The following ST6GALNAC3 variants were observed in gnomAD, a reference collection of about 807,000 sequenced individuals.
ST6GALNAC3 encodes the protein alpha-N-acetylgalactosaminide alpha-2,6-sialyltransferase 3.
Under a neutral mutation model 32.7 loss-of-function variants are expected in ST6GALNAC3, and 25 were observed. That is an observed-to-expected ratio of 0.76 (90% CI 0.56 to 1.07). The LOEUF (loss-of-function observed/expected upper bound fraction) is 1.07, where lower values mean the gene tolerates loss of function less well. Ranked by LOEUF, ST6GALNAC3 falls within the 50% of genes least tolerant of loss-of-function variation. The pLI, the probability that ST6GALNAC3 is intolerant of heterozygous loss-of-function variation, is 0.00. For missense variants in ST6GALNAC3, 355 were observed against 382.4 expected (o/e 0.93, Z 0.60); for synonymous variants, 129 against 133.1 (o/e 0.97, Z 0.21).
At chr1:76,584,128 TTGCATGGGGAG>T (rs1459067366) in intron 3 of ST6GALNAC3, among the ~76,000 whole-genome samples, 1 of 152,202 alleles carries the variant, frequency 6.6e-6, no homozygotes, top group Non-Finnish European at 1.5e-5. Flanking sequence ...TCCCTATCTT[TTGCATGGGGAG>T]TATTATAGAA....
chr1:76,233,901 A>G (rs1216257088), intron 1 of ST6GALNAC3, among the ~76,000 whole-genome samples: 1 of 152,130 alleles, frequency 6.6e-6, no homozygotes, highest in Non-Finnish European at 1.5e-5. Context: ...GATACACAGT[A>G]TATCTGTGAT....
At chr1:76,427,485 T>G (rs981744178) in intron 3 of ST6GALNAC3, among the ~76,000 whole-genome samples, 1 of 152,046 alleles carries the variant, frequency 6.6e-6, no homozygotes, top group Non-Finnish European at 1.5e-5. Context: ...TGACCCAATA[T>G]GTGCAAGGAT....
At chr1:76,588,251 C>T (rs914499302) in intron 3 of ST6GALNAC3, among the ~76,000 whole-genome samples, 13 of 151,862 alleles carry the variant, frequency 8.6e-5, no homozygotes, top group South Asian at 4.2e-4. Context: ...AAAAATAAAG[C>T]ATTCTACCTA....
intron 1 of ST6GALNAC3, among the ~76,000 whole-genome samples, chr1:76,231,310 A>T (rs72675934): frequency 0.044 from 6,731 of 152,062 alleles, 283 homozygotes; most frequent in African/African-American, 0.11. Context: ...GTTTTTTAAA[A>T]TTTTTTTTTA....
chr1:76,430,413 T>A (rs1445729977), intron 3 of ST6GALNAC3, among the ~76,000 whole-genome samples: 1 of 152,180 alleles, frequency 6.6e-6, no homozygotes, highest in Non-Finnish European at 1.5e-5. Context: ...TGCCAACTAG[T>A]CCCTACAGTT....
At chr1:76,624,958 A>G (rs1237114518) in intron 3 of ST6GALNAC3, among the ~76,000 whole-genome samples, 3 of 152,002 alleles carry the variant, frequency 2.0e-5, no homozygotes, top group Non-Finnish European at 2.9e-5. Flanking sequence ...GGTACCGCAC[A>G]GTGGTTAAAA....
chr1:76,631,513 G>C lies in ST6GALNAC3; in HGVS notation c.*2707G>C, dbSNP rs1255480979. The stretch of plus-strand genomic sequence containing the variant: ...TTTTCATCTATGATTTGCTGATAGA[G>C]AAGAGCTTGGTAAGGGAGCAATTCA... On this transcript the variant is annotated 3_prime_UTR_variant, in exon 5 of 5. Coordinates refer to ENST00000328299, the MANE Select transcript of ST6GALNAC3 (RefSeq NM_152996.4). The C allele has an allele frequency of 7.2e-5, 11 of 152,060 alleles. No individual in the cohort carries two copies. The highest frequency in any genetic ancestry group is 1.5e-5 in the Non-Finnish European group (1 of 67,950). The allele number at this position is 152,060 out of a possible 1,614,324, so 9.4% of individuals were successfully genotyped here. A position where few individuals can be genotyped will look rare whatever the true frequency, so the allele number is the denominator to read the frequency against.
chr1:76,116,687 T>C (rs1648503775), intron 1 of ST6GALNAC3, among the ~76,000 whole-genome samples: 1 of 151,864 alleles, frequency 6.6e-6, no homozygotes, highest in Non-Finnish European at 1.5e-5. Flanking sequence ...TCCCAGAACT[T>C]TGGGAGGCCA....
Position 76,543,891 on chromosome 1 carries a change from A to G in ST6GALNAC3, c.624-83561A>G, listed in dbSNP as rs17682325. On this transcript the variant is annotated intron_variant, in intron 3 of 4. Transcript: ENST00000328299. ...AGAGTGGTCAACTTCTTATTTTGCT[A>G]AGTAAAGATCATTAATTTTTTTCCT... Among the ~76,000 whole-genome samples the G allele has an allele frequency of 6.1e-3, 925 of 152,284 alleles. 8 individuals carry two copies. The highest frequency in any genetic ancestry group is 9.7e-3 in the Non-Finnish European group (661 of 68,022).
chr1:76,075,596 C>T (rs185008363), intron 1 of ST6GALNAC3, among the ~76,000 whole-genome samples: 45 of 152,334 alleles, frequency 3.0e-4, no homozygotes, highest in African/African-American at 1.0e-3. Context: ...TTCTTAGCCT[C>T]ACCTGAGCAT....
chr1:76,401,332 A>C (rs529303969), intron 2 of ST6GALNAC3, among the ~76,000 whole-genome samples: 1 of 152,086 alleles, frequency 6.6e-6, no homozygotes, highest in South Asian at 2.1e-4. Context: ...TTCATGTATT[A>C]TATTTATCAA....
chr1:76,550,122 C>T (rs1664536014), intron 3 of ST6GALNAC3, among the ~76,000 whole-genome samples: 1 of 152,130 alleles, frequency 6.6e-6, no homozygotes, highest in African/African-American at 2.4e-5. Context: ...TGTTGCTAGG[C>T]TTTTCATGTT....
At chr1:76,150,031 A>T (rs1019263052) in intron 1 of ST6GALNAC3, among the ~76,000 whole-genome samples, 4 of 152,206 alleles carry the variant, frequency 2.6e-5, no homozygotes, top group Admixed American at 6.5e-5. Flanking sequence ...ATGGGGACTC[A>T]GCTCTTCTGC....
chr1:76,234,664 A>G (rs1016336275), intron 1 of ST6GALNAC3, among the ~76,000 whole-genome samples: 2 of 152,162 alleles, frequency 1.3e-5, no homozygotes, highest in Non-Finnish European at 2.9e-5. Context: ...TCTTCAAAAC[A>G]CATTTTTTAG....
intron 1 of ST6GALNAC3, among the ~76,000 whole-genome samples, chr1:76,102,213 A>G (rs1396936734): frequency 6.8e-6 from 1 of 146,636 alleles, no homozygotes; most frequent in East Asian, 2.0e-4. Context: ...GCTTTCTTTC[A>G]GTTAGTATTT....
intron 3 of ST6GALNAC3, among the ~76,000 whole-genome samples, chr1:76,520,316 C>A (rs368153921): frequency 6.6e-6 from 1 of 152,132 alleles, no homozygotes; most frequent in Non-Finnish European, 1.5e-5. Flanking sequence ...AGGTCATAGC[C>A]TCTTGTATTG....
intron 1 of ST6GALNAC3, among the ~76,000 whole-genome samples, chr1:76,251,771 C>T (rs1467677361): frequency 1.3e-5 from 2 of 152,018 alleles, no homozygotes; most frequent in East Asian, 3.9e-4. Context: ...ATCTCTTGCT[C>T]TTGTTTATTC....
At chr1:76,562,181 T>TAA (rs929809103) in intron 3 of ST6GALNAC3, among the ~76,000 whole-genome samples, 7 of 152,272 alleles carry the variant, frequency 4.6e-5, no homozygotes, top group African/African-American at 7.2e-5. Context: ...ATTGTGGTGA[T>TAA]AAATGCACAA....
intron 3 of ST6GALNAC3, among the ~76,000 whole-genome samples, chr1:76,604,485 C>T (rs989637380): frequency 2.0e-5 from 3 of 152,214 alleles, no homozygotes; most frequent in African/African-American, 7.2e-5. Context: ...ACATCTCTGA[C>T]AATGTTCATC....
Sources: allele counts gnomAD v4.1 joint callset (sites outside exome capture counted in the v4.1 genomes callset), GRCh38; gene constraint gnomAD v4.1.1; transcripts MANE v1.5; gene names NCBI Gene and HGNC (gene_info 2026-07-23, HGNC 2026-07-21).